The following PPARGC1A variants were observed in gnomAD, a reference collection of about 807,000 sequenced individuals.
PPARGC1A encodes peroxisome proliferator-activated receptor gamma coactivator 1-alpha.
PPARGC1A carries 25 observed loss-of-function variants against 88.7 expected under a neutral mutation model. That is an observed-to-expected ratio of 0.28 (90% CI 0.21 to 0.39). PPARGC1A has a LOEUF of 0.39. Ranked by LOEUF, PPARGC1A falls within the 10% of genes least tolerant of loss-of-function variation. The pLI is 1.00. For missense variants in PPARGC1A, 880 were observed against 968.7 expected, an observed-to-expected ratio of 0.91 and a Z score of 1.22; for synonymous variants, 363 against 355.6, an observed-to-expected ratio of 1.02 and a Z score of -0.24.
chr4:23,957,426 T>C, the PPARGC1A span, among the ~76,000 whole-genome samples: 1 of 152,100 alleles, frequency 6.6e-6, no homozygotes, highest in Admixed American at 6.6e-5. Flanking sequence ...AGAAATATGA[T>C]AGATGAACAA....
the PPARGC1A span, among the ~76,000 whole-genome samples, chr4:24,047,920 A>T: frequency 6.6e-6 from 1 of 152,174 alleles, no homozygotes; most frequent in East Asian, 1.9e-4. Flanking sequence ...TTTTCTTTCT[A>T]ACTCTTTACA....
rs572962567 is a variant in PPARGC1A at position 23,866,129 on chromosome 4, A to C, written c.234+18623T>G. 3 of 152,332 alleles carry C rather than the reference A, an allele frequency of 2.0e-5. No homozygotes were observed. In the East Asian group the frequency reaches 5.8e-4, roughly 29 times the overall value. The allele number at this position is 152,332 out of a possible 1,614,324, so 9.4% of individuals were successfully genotyped here. ...GAAAGATACCAGGAATAGCCAGCCT[A>C]GTGTTTTAAAACTGCATTTTCTTTG... On this transcript the variant is annotated intron_variant, in intron 2 of 12. Coordinates refer to ENST00000264867, the MANE Select transcript of PPARGC1A (RefSeq NM_013261.5).
At chr4:24,038,551 C>G in the PPARGC1A span, among the ~76,000 whole-genome samples, 1 of 152,172 alleles carries the variant, frequency 6.6e-6, no homozygotes, top group Non-Finnish European at 1.5e-5. Flanking sequence ...TTCGAATTCT[C>G]TCTTCCAATG....
the PPARGC1A span, among the ~76,000 whole-genome samples, chr4:24,165,248 C>G: frequency 6.6e-6 from 1 of 151,778 alleles, no homozygotes; most frequent in African/African-American, 2.4e-5. Flanking sequence ...GGATCCTGTG[C>G]TTGAAAGTGC....
At chr4:23,930,617 G>A in the PPARGC1A span, among the ~76,000 whole-genome samples, 1 of 152,062 alleles carries the variant, frequency 6.6e-6, no homozygotes, top group Non-Finnish European at 1.5e-5. Flanking sequence ...CAAGCTATGG[G>A]GACAAAAATA....
At chr4:24,387,762 G>GAAAGAAAGAAAGAAAGAA in the PPARGC1A span, among the ~76,000 whole-genome samples, 40 of 72,938 alleles carry the variant, frequency 5.5e-4, 1 homozygote, top group South Asian at 1.1e-3. Context: ...GAGAGAGAGA[G>GAAAGAAAGAAAGAAAGAA]AGAGAGAAAG....
At chr4:24,098,988 G>A in the PPARGC1A span, among the ~76,000 whole-genome samples, 1 of 152,046 alleles carries the variant, frequency 6.6e-6, no homozygotes, top group East Asian at 1.9e-4. Flanking sequence ...ACTAATACTG[G>A]CCTTTCCAGT....
At chr4:23,972,345 T>C in the PPARGC1A span, among the ~76,000 whole-genome samples, 42 of 152,284 alleles carry the variant, frequency 2.8e-4, no homozygotes, top group African/African-American at 1.0e-3. Flanking sequence ...AAAGAACAGA[T>C]GTGCAAGACA....
the PPARGC1A span, among the ~76,000 whole-genome samples, chr4:24,190,171 C>T: frequency 3.3e-5 from 5 of 152,198 alleles, no homozygotes; most frequent in East Asian, 7.7e-4. Flanking sequence ...ACATGAGTGG[C>T]TCCCAACTCC....
chr4:24,169,773 G>A, the PPARGC1A span, among the ~76,000 whole-genome samples: 8 of 152,116 alleles, frequency 5.3e-5, no homozygotes, highest in African/African-American at 1.9e-4. Flanking sequence ...GGAGGAGGAG[G>A]TTGCAGTGAG....
chr4:23,973,741 G>A, the PPARGC1A span, among the ~76,000 whole-genome samples: 1 of 151,936 alleles, frequency 6.6e-6, no homozygotes, highest in Non-Finnish European at 1.5e-5. Context: ...TGAATATATG[G>A]AATCTACTTC....
chr4:24,154,606 C>A, the PPARGC1A span, among the ~76,000 whole-genome samples: 1 of 152,238 alleles, frequency 6.6e-6, no homozygotes, highest in Non-Finnish European at 1.5e-5. Flanking sequence ...CCACTGACTT[C>A]GAGTCAGGTG....
At chr4:24,420,157 A>G in the PPARGC1A span, among the ~76,000 whole-genome samples, 1 of 152,340 alleles carries the variant, frequency 6.6e-6, no homozygotes, top group East Asian at 1.9e-4. Context: ...GACAGCTTAA[A>G]TAATGTAATT....
the PPARGC1A span, among the ~76,000 whole-genome samples, chr4:23,931,356 GA>G: frequency 6.6e-6 from 1 of 152,088 alleles, no homozygotes; most frequent in East Asian, 1.9e-4. Flanking sequence ...AAAAAGGAAG[GA>G]AAGTTATTAC....
At chr4:23,944,292 A>G in the PPARGC1A span, among the ~76,000 whole-genome samples, 1 of 152,192 alleles carries the variant, frequency 6.6e-6, no homozygotes, top group East Asian at 1.9e-4. Context: ...ATGCACAATA[A>G]TGATAAATAA....
the PPARGC1A span, among the ~76,000 whole-genome samples, chr4:24,223,035 G>C: frequency 1.3e-5 from 2 of 152,032 alleles, no homozygotes; most frequent in Non-Finnish European, 2.9e-5. Context: ...TACCTTTTGC[G>C]TAACAGTGTA....
chr4:24,016,313 G>T, the PPARGC1A span, among the ~76,000 whole-genome samples: 1 of 152,108 alleles, frequency 6.6e-6, no homozygotes, highest in Non-Finnish European at 1.5e-5. Flanking sequence ...GGAATGAGAG[G>T]AAAGCAGCAC....
At chr4:24,399,984 C>T in the PPARGC1A span, among the ~76,000 whole-genome samples, 1 of 150,678 alleles carries the variant, frequency 6.6e-6, no homozygotes, top group African/African-American at 2.4e-5. Context: ...CAGGGTTTCA[C>T]CATGTTGGCC....
intron 10 of PPARGC1A, among the ~76,000 whole-genome samples, chr4:23,812,395 G>C (rs538667666): frequency 2.6e-5 from 4 of 151,930 alleles, no homozygotes; most frequent in Non-Finnish European, 4.4e-5. Context: ...CGCTCAAAGA[G>C]AGAAGTAACA....
Sources: gnomAD v4.1 joint callset for allele counts (sites outside exome capture counted in the v4.1 genomes callset) on GRCh38, gnomAD v4.1.1 for gene constraint, MANE v1.5 for transcripts, NCBI Gene and HGNC (gene_info 2026-07-23, HGNC 2026-07-21) for gene names.